Variants in SHISA9 observed in about 807,000 individuals in gnomAD.
SHISA9 encodes shisa family member 9, also known as protein shisa-9.
Under a neutral mutation model 38.0 loss-of-function variants are expected in SHISA9, and 13 were observed. That is an observed-to-expected ratio of 0.34 (90% CI 0.22 to 0.54). The LOEUF (loss-of-function observed/expected upper bound fraction) is 0.54, where lower values mean the gene tolerates loss of function less well. SHISA9 is among the 20% of genes least tolerant of loss of function. The probability of loss-of-function intolerance (pLI) is 0.91; values close to 1 mark genes in which losing one functional copy is unlikely to be tolerated. For missense variants in SHISA9, 538 were observed against 575.8 expected (o/e 0.93, Z 0.67); for synonymous variants, 275 against 242.0 (o/e 1.14, Z -1.27).
chr16:13,341,153 A>G, the SHISA9 span, among the ~76,000 whole-genome samples: 1 of 152,304 alleles, frequency 6.6e-6, no homozygotes, highest in African/African-American at 2.4e-5. Context: ...GTGCTTGCCC[A>G]TTGTAGATAC....
chr16:13,547,526 A>G, the SHISA9 span, among the ~76,000 whole-genome samples: 3 of 152,218 alleles, frequency 2.0e-5, no homozygotes, highest in Non-Finnish European at 2.9e-5. Flanking sequence ...ATACAATGGC[A>G]GAAGATGTAT....
chr16:13,145,542 C>CAAA (rs950322697), intron 2 of SHISA9, among the ~76,000 whole-genome samples: 4 of 151,950 alleles, frequency 2.6e-5, no homozygotes, highest in African/African-American at 9.7e-5. Context: ...ACAACAACAA[C>CAAA]AAAAAAAGGT....
chr16:13,049,864 G>A (rs753201162), intron 2 of SHISA9, among the ~76,000 whole-genome samples: 2 of 151,910 alleles, frequency 1.3e-5, no homozygotes, highest in African/African-American at 2.4e-5. Context: ...CCTGCCTCTC[G>A]GTGCATTGGT....
At chr16:13,179,816 T>A (rs1409229296) in intron 2 of SHISA9, among the ~76,000 whole-genome samples, 1 of 152,204 alleles carries the variant, frequency 6.6e-6, no homozygotes, top group Non-Finnish European at 1.5e-5. Flanking sequence ...GAGGAAAGGT[T>A]AGAGTGTAAA....
chr16:12,963,393 T>C, intron 2 of SHISA9, among the ~76,000 whole-genome samples: 1 of 152,134 alleles, frequency 6.6e-6, no homozygotes. Flanking sequence ...CAGGAGCTCC[T>C]AGTGTAGCAA....
chr16:13,053,944 C>T (rs904480421), intron 2 of SHISA9, among the ~76,000 whole-genome samples: 2 of 152,200 alleles, frequency 1.3e-5, no homozygotes, highest in Admixed American at 6.5e-5. Flanking sequence ...TCCCCAGAGT[C>T]GGTATCCTTG....
At chr16:13,112,008 T>C (rs979187688) in intron 2 of SHISA9, among the ~76,000 whole-genome samples, 1 of 152,202 alleles carries the variant, frequency 6.6e-6, no homozygotes, top group African/African-American at 2.4e-5. Context: ...CAGGTCTGTC[T>C]GACTTTCGGG....
chr16:13,118,745 TTGAGACAGAGTTTCACTC>T (rs2074056487), intron 2 of SHISA9, among the ~76,000 whole-genome samples: 1 of 150,604 alleles, frequency 6.6e-6, no homozygotes, highest in Non-Finnish European at 1.5e-5. Context: ...TTTTTTTTTT[TTGAGACAGAGTTTCACTC>T]TTTTTGCCCA....
In SHISA9 at chr16:13,023,777, T is replaced by C. The variant is rs183786721; in HGVS notation, c.691+106962T>C. ...GCATTTCTCTGATGACCAGTGATGA[T>C]GTGCATTTTTTCGTGTGTCTGTTGG... On this transcript the variant is annotated intron_variant, in intron 2 of 4. Coordinates refer to ENST00000558583, the MANE Select transcript of SHISA9 (RefSeq NM_001145204.3). Among the ~76,000 whole-genome samples, 7 of 152,314 alleles carry C rather than the reference T, an allele frequency of 4.6e-5. No individual in the cohort carries two copies. The East Asian group carries it at 1.4e-3, about 29-fold the overall frequency.
At chr16:13,461,262 C>A in the SHISA9 span, among the ~76,000 whole-genome samples, 1 of 152,140 alleles carries the variant, frequency 6.6e-6, no homozygotes, top group African/African-American at 2.4e-5. Context: ...CCTAGCCCTT[C>A]AGGTTTAGTG....
intron 3 of SHISA9, among the ~76,000 whole-genome samples, chr16:13,206,863 G>T (rs745418711): frequency 4.6e-5 from 7 of 152,174 alleles, no homozygotes; most frequent in Non-Finnish European, 7.3e-5. Context: ...AATATACTCA[G>T]TGTTACTAGG....
At chr16:13,547,857 G>GAA in the SHISA9 span, among the ~76,000 whole-genome samples, 53 of 151,562 alleles carry the variant, frequency 3.5e-4, no homozygotes, top group East Asian at 1.2e-3. Flanking sequence ...CACAGAAATA[G>GAA]AAAAAAAACA....
chr16:13,505,377 G>T, the SHISA9 span, among the ~76,000 whole-genome samples: 1 of 152,120 alleles, frequency 6.6e-6, no homozygotes. Context: ...TGGAGACCTG[G>T]GGTAATGGAG....
At position 12,950,154 on chromosome 16, in the gene SHISA9, CATA is replaced by C. The variant is rs2071736229; in HGVS notation, c.691+33342_691+33344del. Among the ~76,000 whole-genome samples the C allele has an allele frequency of 3.3e-5, 5 of 152,318 alleles. No individual in the cohort carries two copies. The South Asian group carries it at 1.0e-3, about 32-fold the overall frequency. On this transcript the variant is annotated intron_variant, in intron 2 of 4. Transcript: ENST00000558583. ...TCTGTGCCTGACTTATTTCACTTAACATAATGTCTTCGGATTCCATCTATGTTG... is the reference window on the plus strand; with the variant it reads ...TCTGTGCCTGACTTATTTCACTTAACATGTCTTCGGATTCCATCTATGTTG...
At chr16:12,992,712 C>G (rs1178407279) in intron 2 of SHISA9, among the ~76,000 whole-genome samples, 1 of 152,152 alleles carries the variant, frequency 6.6e-6, no homozygotes, top group Non-Finnish European at 1.5e-5. Flanking sequence ...TTCTTCCTCA[C>G]TTTTGTAACT....
chr16:13,043,705 A>G (rs1002499158), intron 2 of SHISA9, among the ~76,000 whole-genome samples: 1 of 152,206 alleles, frequency 6.6e-6, no homozygotes, highest in Non-Finnish European at 1.5e-5. Flanking sequence ...GTCCAGAGCC[A>G]TGCACTTTAC....
chr16:13,105,849 G>A (rs1028129863), intron 2 of SHISA9, among the ~76,000 whole-genome samples: 1 of 152,138 alleles, frequency 6.6e-6, no homozygotes, highest in Non-Finnish European at 1.5e-5. Context: ...GAGGAACATT[G>A]AGCATGTTGA....
the SHISA9 span, among the ~76,000 whole-genome samples, chr16:13,267,166 A>C: frequency 6.6e-6 from 1 of 152,210 alleles, no homozygotes; most frequent in South Asian, 2.1e-4. Flanking sequence ...TGACAAACCA[A>C]GACTTGCTAA....
intron 2 of SHISA9, among the ~76,000 whole-genome samples, chr16:12,959,929 C>A (rs1332174928): frequency 1.3e-5 from 2 of 152,182 alleles, no homozygotes; most frequent in Non-Finnish European, 2.9e-5. Context: ...ACCAGCCACA[C>A]AAAGATAGTT....
Sources: gnomAD v4.1 joint callset for allele counts (sites outside exome capture counted in the v4.1 genomes callset) on GRCh38, gnomAD v4.1.1 for gene constraint, MANE v1.5 for transcripts, NCBI Gene and HGNC (gene_info 2026-07-23, HGNC 2026-07-21) for gene names.